The following MED12L variants were observed in gnomAD, a reference collection of about 807,000 sequenced individuals.
The protein encoded by MED12L is mediator complex subunit 12L.
A neutral mutation model predicts 281.3 loss-of-function variants in MED12L; 60 were observed. The observed-to-expected ratio is 0.21, with a 90% CI of 0.17 to 0.26. MED12L has a LOEUF of 0.26. MED12L is among the 10% of genes least tolerant of loss of function. The pLI, the probability that MED12L is intolerant of heterozygous loss-of-function variation, is 1.00. For missense variants in MED12L, 2,146 were observed against 2,680.9 expected (o/e 0.80, Z 4.41); for synonymous variants, 974 against 987.2 (o/e 0.99, Z 0.25).
chr3:151,086,217 G>C (rs1719159620), intron 1 of MED12L, among the ~76,000 whole-genome samples: 2 of 152,172 alleles, frequency 1.3e-5, no homozygotes, highest in Admixed American at 6.5e-5. Context: ...TGCGCCACTG[G>C]AACCTGGCGG....
Position 151,185,428 on chromosome 3 carries a change from C to T in MED12L, c.1593C>T (p.Leu531=), listed in dbSNP as rs377723977. The change falls in exon 12 of 45, where the codon CTC becomes CTT. Residue 531 remains leucine (L), a synonymous_variant. Coordinates refer to ENST00000687756, the MANE Select transcript of MED12L (RefSeq NM_001393769.1). ...ACAGGGCCATGGCTGTGGCAAAACT[C>T]CTGGAGAAGAGGCAAGCAGAAATTG... ...GKHRAMAVAK[L]LEKRQAEIEA... The T allele has an allele frequency of 5.0e-6, 8 of 1,613,776 alleles. No individual in the cohort carries two copies. Among genetic ancestry groups the T allele is most frequent in the Non-Finnish European group, 6.8e-6 (8 of 1,179,974 alleles).
chr3:151,141,262 T>A (rs1716989312), intron 5 of MED12L, among the ~76,000 whole-genome samples: 1 of 150,850 alleles, frequency 6.6e-6, no homozygotes, highest in Admixed American at 6.6e-5. Flanking sequence ...GACCTCGTGA[T>A]CCACCTGCTT....
At chr3:151,189,759 G>C (rs1388491326) in intron 13 of MED12L, among the ~76,000 whole-genome samples, 1 of 152,138 alleles carries the variant, frequency 6.6e-6, no homozygotes, top group Non-Finnish European at 1.5e-5. Context: ...GAGCTTTGCA[G>C]GTTCATCTTA....
chr3:151,117,073 A>G (rs1712936804), intron 3 of MED12L, among the ~76,000 whole-genome samples: 1 of 152,214 alleles, frequency 6.6e-6, no homozygotes, highest in African/African-American at 2.4e-5. Context: ...TGATTGCAAA[A>G]TGCAGGTTTT....
At chr3:151,371,224 C>T (rs551735062) in intron 26 of MED12L, among the ~76,000 whole-genome samples, 10 of 152,264 alleles carry the variant, frequency 6.6e-5, no homozygotes, top group East Asian at 5.8e-4. Context: ...ACTCTCAATT[C>T]CTATCCACCA....
At chr3:151,214,739 A>T (rs1375227047) in intron 16 of MED12L, among the ~76,000 whole-genome samples, 2 of 152,282 alleles carry the variant, frequency 1.3e-5, no homozygotes, top group East Asian at 3.9e-4. Flanking sequence ...GGAGACCAGC[A>T]TGCCCCTAAA....
At chr3:151,206,022 C>T (rs1206793193) in intron 16 of MED12L, among the ~76,000 whole-genome samples, 3 of 151,930 alleles carry the variant, frequency 2.0e-5, no homozygotes, top group Non-Finnish European at 4.4e-5. Context: ...CCAGTTCAGC[C>T]CTCTCTCTAT....
At chr3:151,153,399 A>G (rs41526349) in intron 5 of MED12L, among the ~76,000 whole-genome samples, 5,988 of 152,190 alleles carry the variant, frequency 0.039, 389 homozygotes, top group African/African-American at 0.14. Context: ...TCTATTTAAC[A>G]TCAACAACTA....
intron 2 of MED12L, among the ~76,000 whole-genome samples, chr3:151,099,174 G>C (rs138521407): frequency 6.6e-6 from 1 of 152,128 alleles, no homozygotes; most frequent in African/African-American, 2.4e-5. Context: ...CCATATCAAG[G>C]GGTGAATTTA....
chr3:151,171,634 C>G (rs772160414), intron 11 of MED12L, among the ~76,000 whole-genome samples: 1 of 152,190 alleles, frequency 6.6e-6, no homozygotes, highest in Admixed American at 6.5e-5. Flanking sequence ...TTAGACTATT[C>G]GTGCAGAATT....
chr3:151,165,340 C>A, intron 9 of MED12L, 80 bp from the exon 10 acceptor site: 1 of 1,085,608 alleles, frequency 9.2e-7, no homozygotes, highest in Non-Finnish European at 1.4e-6. Flanking sequence ...ATACTTTACT[C>A]ACGTGGAAAA....
Position 151,413,190 on chromosome 3 carries a change from T to C in MED12L, c.6192T>C (p.Asp2064=). The C allele has an allele frequency of 1.2e-6, 2 of 1,614,200 alleles. No individual in the cohort carries two copies. Among genetic ancestry groups the C allele is most frequent in the South Asian group, 2.2e-5 (2 of 91,084 alleles). The change falls in exon 42 of 45, where the codon GAT becomes GAC. Residue 2064 remains aspartate (D), a synonymous_variant. Coordinates refer to ENST00000687756, the MANE Select transcript of MED12L (RefSeq NM_001393769.1). The part of the protein sequence containing the change: ...QQSPLVGGGI[D]AVLTSAHPNL... ...GCCCTCTGGTGGGCGGGGGAATTGA[T>C]GCTGTGCTGACTTCTGCACATCCAA... is the stretch of plus-strand genomic sequence containing the variant.
chr3:151,294,911 A>G, intron 16 of MED12L: 19 of 1,614,152 alleles, frequency 1.2e-5, no homozygotes, highest in Non-Finnish European at 1.6e-5. Context: ...TCTGCAGAGA[A>G]TAAACTTGAA....
intron 2 of MED12L, among the ~76,000 whole-genome samples, chr3:151,091,636 G>T (rs987402987): frequency 2.0e-5 from 3 of 152,204 alleles, no homozygotes; most frequent in African/African-American, 7.2e-5. Context: ...CAGAATTTGT[G>T]CCCTCTCTTA....
chr3:151,400,711 A>G (rs115211958), intron 39 of MED12L, among the ~76,000 whole-genome samples: 2,228 of 152,190 alleles, frequency 0.015, 47 homozygotes, highest in African/African-American at 0.051. Context: ...TTGAGTAATT[A>G]CCCTTTGTTC....
chr3:151,189,542 C>T (rs1723698388), intron 13 of MED12L, among the ~76,000 whole-genome samples: 1 of 152,184 alleles, frequency 6.6e-6, no homozygotes, highest in Non-Finnish European at 1.5e-5. Context: ...TTAGGAAAAA[C>T]TCCTTACTCC....
intron 39 of MED12L, among the ~76,000 whole-genome samples, chr3:151,395,162 A>G (rs1028797732): frequency 5.3e-5 from 8 of 152,190 alleles, no homozygotes; most frequent in African/African-American, 1.9e-4. Context: ...TTTATCCTTG[A>G]GGTGACCTTC....
At chr3:151,132,676 C>T (rs1446478486) in intron 5 of MED12L, among the ~76,000 whole-genome samples, 2 of 152,102 alleles carry the variant, frequency 1.3e-5, no homozygotes, top group Non-Finnish European at 2.9e-5. Flanking sequence ...CAGTTCCTTT[C>T]TCTATATTCT....
chr3:151,104,170 C>G (rs1033775595), intron 2 of MED12L, among the ~76,000 whole-genome samples: 2 of 151,942 alleles, frequency 1.3e-5, no homozygotes, highest in Non-Finnish European at 2.9e-5. Context: ...GTATAGGTGA[C>G]GGTGGATGTA....
Sources: allele counts gnomAD v4.1 joint callset (sites outside exome capture counted in the v4.1 genomes callset), GRCh38; gene constraint gnomAD v4.1.1; transcripts MANE v1.5; gene names NCBI Gene and HGNC (gene_info 2026-07-23, HGNC 2026-07-21).